Variants in NRG1 observed in about 807,000 individuals in gnomAD.
NRG1 encodes neuregulin 1, also known as pro-neuregulin-1, membrane-bound isoform.
In NRG1, 18 loss-of-function variants were observed where a neutral mutation model predicts 63.8. The observed-to-expected ratio is 0.28, with a 90% confidence interval of 0.19 to 0.42. The LOEUF is 0.42. Among genes scored for constraint, NRG1 ranks in the 10% least tolerant of loss-of-function variants. The pLI, the probability that NRG1 is intolerant of heterozygous loss-of-function variation, is 1.00. For missense variants in NRG1, 762 were observed against 814.7 expected, an observed-to-expected ratio of 0.94 and a Z score of 0.79; for synonymous variants, 302 against 301.3, an observed-to-expected ratio of 1.00 and a Z score of -0.02.
intron 1 of NRG1, among the ~76,000 whole-genome samples, chr8:32,569,558 C>G (rs917792665): frequency 6.6e-6 from 1 of 152,032 alleles, no homozygotes; most frequent in African/African-American, 2.4e-5. Flanking sequence ...TGGTATCTGT[C>G]TGAAAAAAAT....
chr8:32,364,051 C>T (rs1419689450), intron 1 of NRG1, among the ~76,000 whole-genome samples: 1 of 145,650 alleles, frequency 6.9e-6, no homozygotes, highest in Non-Finnish European at 1.5e-5. Context: ...ACACTATTAA[C>T]ACTTTGGCGT....
chr8:32,105,386 A>G (rs1441737346), intron 1 of NRG1, among the ~76,000 whole-genome samples: 1 of 152,196 alleles, frequency 6.6e-6, no homozygotes, highest in Non-Finnish European at 1.5e-5. Context: ...CACCTCTCAC[A>G]TGGCAGCAGA....
chr8:31,904,460 C>A (rs1400832102), intron 1 of NRG1, among the ~76,000 whole-genome samples: 2 of 152,184 alleles, frequency 1.3e-5, no homozygotes, highest in Non-Finnish European at 2.9e-5. Context: ...TAAATTACCT[C>A]AGCTACTGTG....
At chr8:32,262,382 C>A (rs1036188676) in intron 1 of NRG1, among the ~76,000 whole-genome samples, 1 of 152,032 alleles carries the variant, frequency 6.6e-6, no homozygotes, top group Non-Finnish European at 1.5e-5. Context: ...TCAGGAGACC[C>A]CCCCAAAAAA....
chr8:31,917,960 C>T, intron 1 of NRG1, among the ~76,000 whole-genome samples: 1 of 152,088 alleles, frequency 6.6e-6, no homozygotes, highest in Non-Finnish European at 1.5e-5. Flanking sequence ...TTTATTTTCT[C>T]TGAAGCAGTT....
intron 1 of NRG1, among the ~76,000 whole-genome samples, chr8:32,534,130 A>G (rs1183970922): frequency 6.6e-6 from 1 of 152,130 alleles, no homozygotes; most frequent in African/African-American, 2.4e-5. Flanking sequence ...GAAGATTTAT[A>G]AACCCACATA....
chr8:32,728,179 C>A, intron 6 of NRG1, 101 bp downstream of exon 6: 1 of 1,555,272 alleles, frequency 6.4e-7, no homozygotes, highest in Non-Finnish European at 8.7e-7. Flanking sequence ...AATTTTGTTG[C>A]ATCATGTTGA....
chr8:32,763,768 C>A, exon 12 of NRG1: 9 of 1,560,226 alleles, frequency 5.8e-6, no homozygotes, highest in Non-Finnish European at 7.8e-6. Context: ...GCCATGACCA[C>A]CCCGGCTCGT....
intron 5 of NRG1, among the ~76,000 whole-genome samples, chr8:32,639,424 T>G (rs1851909901): frequency 6.6e-6 from 1 of 152,038 alleles, no homozygotes; most frequent in East Asian, 1.9e-4. Flanking sequence ...TAAATAAATA[T>G]AAAAGAGAAA....
chr8:31,854,140 G>C (rs1361456093), intron 1 of NRG1, among the ~76,000 whole-genome samples: 3 of 152,166 alleles, frequency 2.0e-5, no homozygotes, highest in African/African-American at 7.2e-5. Flanking sequence ...ATGAGTTAGA[G>C]AGGATTCCCT....
chr8:32,600,280 G>A (rs1844095886), intron 2 of NRG1, among the ~76,000 whole-genome samples: 1 of 151,516 alleles, frequency 6.6e-6, no homozygotes, highest in Non-Finnish European at 1.5e-5. Flanking sequence ...TCACTTCTTT[G>A]TCCTTTTCAC....
At chr8:32,750,047 TTAATA>T (rs1290753683) in intron 7 of NRG1, 1 of 170,004 alleles carries the variant, frequency 5.9e-6, no homozygotes. Context: ...AATCATCTAT[TTAATA>T]TAAGCAATGT....
intron 1 of NRG1, among the ~76,000 whole-genome samples, chr8:32,483,638 G>A (rs924342635): frequency 6.6e-6 from 1 of 152,088 alleles, no homozygotes; most frequent in Admixed American, 6.5e-5. Context: ...AGGCAATGTC[G>A]GAGGCTAGGT....
intron 1 of NRG1, among the ~76,000 whole-genome samples, chr8:31,728,326 T>C (rs949975519): frequency 6.6e-6 from 1 of 152,126 alleles, no homozygotes; most frequent in Non-Finnish European, 1.5e-5. Context: ...TGGCTGGGTG[T>C]GGTGGTGCAA....
intron 1 of NRG1, among the ~76,000 whole-genome samples, chr8:32,188,593 G>T (rs1056364203): frequency 3.3e-5 from 5 of 152,152 alleles, no homozygotes; most frequent in Admixed American, 3.3e-4. Context: ...ATTCCAAGGA[G>T]TCTTTAAAAG....
At chr8:31,853,230 T>C (rs1777527727) in intron 1 of NRG1, among the ~76,000 whole-genome samples, 1 of 152,242 alleles carries the variant, frequency 6.6e-6, no homozygotes, top group Non-Finnish European at 1.5e-5. Flanking sequence ...ATATTGATTC[T>C]TCCTACCCAT....
At chr8:31,749,320 T>C (rs1433166125) in intron 1 of NRG1, among the ~76,000 whole-genome samples, 1 of 151,868 alleles carries the variant, frequency 6.6e-6, no homozygotes, top group Non-Finnish European at 1.5e-5. Flanking sequence ...TGATCAGTTT[T>C]TATAAAAACC....
intron 1 of NRG1, among the ~76,000 whole-genome samples, chr8:32,174,660 A>T (rs1158414382): frequency 3.3e-5 from 5 of 152,202 alleles, no homozygotes; most frequent in Non-Finnish European, 7.3e-5. Context: ...ATCACCACCG[A>T]TCCCACAGAA....
At chr8:32,380,578 C>T (rs1810224678) in intron 1 of NRG1, among the ~76,000 whole-genome samples, 1 of 152,104 alleles carries the variant, frequency 6.6e-6, no homozygotes, top group Admixed American at 6.5e-5. Context: ...GATTTCTCTC[C>T]TCCAATCCTG....
Sources: gnomAD v4.1 joint callset for allele counts (sites outside exome capture counted in the v4.1 genomes callset) on GRCh38, gnomAD v4.1.1 for gene constraint, MANE v1.5 for transcripts, NCBI Gene and HGNC (gene_info 2026-07-23, HGNC 2026-07-21) for gene names.